ZNF385D: variants seen among roughly 807,000 people sequenced by gnomAD.
ZNF385D encodes zinc finger protein 659.
ZNF385D carries 15 observed loss-of-function variants against 35.8 expected under a neutral mutation model. That is an observed-to-expected ratio of 0.42 (90% confidence interval 0.28 to 0.64). The LOEUF (loss-of-function observed/expected upper bound fraction) is 0.64. Ranked by LOEUF, ZNF385D falls within the 30% of genes least tolerant of loss-of-function variation. ZNF385D has a pLI of 0.23. For missense variants in ZNF385D, 474 were observed against 494.6 expected, an observed-to-expected ratio of 0.96 and a Z score of 0.39; for synonymous variants, 212 against 186.8, an observed-to-expected ratio of 1.13 and a Z score of -1.10.
intron 2 of ZNF385D, among the ~76,000 whole-genome samples, chr3:22,282,032 G>A (rs1023125321): frequency 6.6e-6 from 1 of 151,932 alleles, no homozygotes; most frequent in Non-Finnish European, 1.5e-5. Context: ...GTTTATGCGT[G>A]TAAAGGTGTT....
chr3:21,823,562 G>A (rs1694411967), intron 3 of ZNF385D, among the ~76,000 whole-genome samples: 1 of 152,174 alleles, frequency 6.6e-6, no homozygotes, highest in East Asian at 1.9e-4. Flanking sequence ...CTCTGGGGAT[G>A]AAGTCAAGCG....
Position 22,279,283 on chromosome 3 carries a change from C to A in ZNF385D, c.106+93167G>T, listed in dbSNP as rs77949915. On this transcript the variant is annotated intron_variant, in intron 2 of 5. Transcript: ENST00000494108. Reference sequence around the variant, plus strand: ...CCTCCCACTCTTTGCCCAGAGTCCTCAAAGTGAATTGCATCATTCTTATGC... The same window carrying A: ...CCTCCCACTCTTTGCCCAGAGTCCTAAAAGTGAATTGCATCATTCTTATGC... 4.5e-3 allele frequency among the ~76,000 whole-genome samples: 689 copies of A among 151,928 alleles called. 4 individuals carry two copies. The highest frequency in any genetic ancestry group is 0.015 in the African/African-American group (641 of 41,470).
At chr3:21,975,688 T>G (rs1703551672) in intron 3 of ZNF385D, among the ~76,000 whole-genome samples, 1 of 141,022 alleles carries the variant, frequency 7.1e-6, no homozygotes, top group Non-Finnish European at 1.5e-5. Flanking sequence ...TATATACCTA[T>G]TATGTACCCA....
intron 3 of ZNF385D, among the ~76,000 whole-genome samples, chr3:22,005,455 C>T (rs1696144066): frequency 6.6e-6 from 1 of 151,714 alleles, no homozygotes. Flanking sequence ...TTTTTAACAA[C>T]AATATATTAT....
rs557449482 is a variant in ZNF385D, at chr3:21,867,772, T to C, written c.326-202744A>G. On this transcript the variant is annotated intron_variant, in intron 3 of 5. Transcript: ENST00000494108. ...AAAAAAAAAACCTCAACCAGTCTTTTTAGTCAGTTTTGAGACCTTAAGCCA... is the reference window on the plus strand; with the variant it reads ...AAAAAAAAAACCTCAACCAGTCTTTCTAGTCAGTTTTGAGACCTTAAGCCA... Among the ~76,000 whole-genome samples, 5 of 152,068 alleles carry C rather than the reference T, an allele frequency of 3.3e-5. No homozygotes were observed. The East Asian group carries it at 9.7e-4, about 30-fold the overall frequency.
intron 1 of ZNF385D, among the ~76,000 whole-genome samples, chr3:21,749,524 A>T (rs983579108): frequency 2.0e-5 from 3 of 152,220 alleles, no homozygotes; most frequent in African/African-American, 7.2e-5. Flanking sequence ...TTTTCCATTT[A>T]TGAAAATATA....
At chr3:22,156,431 G>A (rs1035586093) in intron 3 of ZNF385D, among the ~76,000 whole-genome samples, 1 of 152,004 alleles carries the variant, frequency 6.6e-6, no homozygotes, top group Non-Finnish European at 1.5e-5. Context: ...CAAATTAACT[G>A]CAATGCTCAG....
At chr3:22,191,326 G>GAA (rs1696012015) in intron 2 of ZNF385D, among the ~76,000 whole-genome samples, 1 of 151,820 alleles carries the variant, frequency 6.6e-6, no homozygotes, top group Non-Finnish European at 1.5e-5. Context: ...CGTCTCTACT[G>GAA]AAAATACAAA....
chr3:22,256,587 G>T (rs4858392), intron 2 of ZNF385D, among the ~76,000 whole-genome samples: 2,273 of 151,886 alleles, frequency 0.015, 65 homozygotes, highest in South Asian at 0.083. Context: ...GTCTACAAGT[G>T]AGATAGTGAT....
At chr3:22,222,563 T>C (rs1475613581) in intron 2 of ZNF385D, among the ~76,000 whole-genome samples, 1 of 152,162 alleles carries the variant, frequency 6.6e-6, no homozygotes, top group Non-Finnish European at 1.5e-5. Context: ...GGACTTGAAC[T>C]AGGCTTGCAT....
At chr3:22,307,219 T>A (rs1251353609) in intron 2 of ZNF385D, among the ~76,000 whole-genome samples, 1 of 151,948 alleles carries the variant, frequency 6.6e-6, no homozygotes, top group Non-Finnish European at 1.5e-5. Context: ...AGGTGGGAAG[T>A]GTTTGAGAGT....
At chr3:21,831,349 G>C (rs999375828) in intron 3 of ZNF385D, among the ~76,000 whole-genome samples, 27 of 152,116 alleles carry the variant, frequency 1.8e-4, no homozygotes, top group Non-Finnish European at 1.3e-4. Flanking sequence ...ACAAAGTATT[G>C]TGGCAAGAAC....
At chr3:21,765,029 C>G (rs2070767245) in intron 3 of ZNF385D, among the ~76,000 whole-genome samples, 1 of 152,100 alleles carries the variant, frequency 6.6e-6, no homozygotes, top group Admixed American at 6.6e-5. Flanking sequence ...TAAATAAAGT[C>G]TTGGATATCT....
intron 2 of ZNF385D, among the ~76,000 whole-genome samples, chr3:21,571,636 T>C (rs2063337475): frequency 6.6e-6 from 1 of 152,084 alleles, no homozygotes; most frequent in African/African-American, 2.4e-5. Flanking sequence ...AGACTCTACT[T>C]CAAACACCAG....
At chr3:21,436,512 A>G (rs891225090) in intron 5 of ZNF385D, among the ~76,000 whole-genome samples, 4 of 152,192 alleles carry the variant, frequency 2.6e-5, no homozygotes, top group Admixed American at 6.6e-5. Context: ...TCCAGGTTCC[A>G]TAGATTTAGC....
At chr3:21,832,920 T>G (rs1339518992) in intron 3 of ZNF385D, among the ~76,000 whole-genome samples, 1 of 152,192 alleles carries the variant, frequency 6.6e-6, no homozygotes, top group Non-Finnish European at 1.5e-5. Context: ...ATGATATACT[T>G]GTGGTCAAAA....
intron 2 of ZNF385D, among the ~76,000 whole-genome samples, chr3:22,235,156 T>G (rs1274519876): frequency 6.6e-6 from 1 of 152,030 alleles, no homozygotes; most frequent in African/African-American, 2.4e-5. Context: ...AATTTAAATA[T>G]TTTTTCTATA....
At chr3:21,898,621 T>C (rs1278883248) in intron 3 of ZNF385D, among the ~76,000 whole-genome samples, 1 of 152,168 alleles carries the variant, frequency 6.6e-6, no homozygotes, top group Admixed American at 6.6e-5. Flanking sequence ...TGTGAATGTG[T>C]CAGTTAGGAA....
intron 3 of ZNF385D, among the ~76,000 whole-genome samples, chr3:22,089,224 A>G (rs929612199): frequency 6.6e-6 from 1 of 152,152 alleles, no homozygotes; most frequent in Non-Finnish European, 1.5e-5. Flanking sequence ...ATACTCTCCT[A>G]CTTTCTTCAC....
Sources: allele counts gnomAD v4.1 joint callset (sites outside exome capture counted in the v4.1 genomes callset), GRCh38; gene constraint gnomAD v4.1.1; transcripts MANE v1.5; gene names NCBI Gene and HGNC (gene_info 2026-07-23, HGNC 2026-07-21).